Variants in PEAK1 observed in about 807,000 individuals in gnomAD.
PEAK1 encodes inactive tyrosine-protein kinase PEAK1.
Under a neutral mutation model 124.7 loss-of-function variants are expected in PEAK1, and 54 were observed. That is an observed-to-expected ratio of 0.43 (90% CI 0.35 to 0.54). PEAK1 has a LOEUF of 0.54. PEAK1 is among the 20% of genes least tolerant of loss of function. PEAK1 has a pLI of 0.01. For synonymous variants in PEAK1, 719 were observed against 760.0 expected (o/e 0.95, Z 0.89); for missense variants, 2,046 against 2,134.5 (o/e 0.96, Z 0.82).
intron 1 of PEAK1, among the ~76,000 whole-genome samples, chr15:77,371,709 G>A (rs1317627985): frequency 2.0e-5 from 3 of 152,186 alleles, no homozygotes; most frequent in Admixed American, 6.5e-5. Context: ...CCAACATGGT[G>A]AAATGCCGTC....
intron 6 of PEAK1, among the ~76,000 whole-genome samples, chr15:77,233,117 T>A (rs940868145): frequency 1.3e-5 from 2 of 152,188 alleles, no homozygotes; most frequent in Non-Finnish European, 2.9e-5. Context: ...TGTGCCATAA[T>A]CCCATTCATC....
At chr15:77,194,987 T>G (rs975240422) in intron 6 of PEAK1, among the ~76,000 whole-genome samples, 3 of 152,226 alleles carry the variant, frequency 2.0e-5, no homozygotes, top group African/African-American at 7.2e-5. Context: ...CGGGGTTCTG[T>G]GTTTAAGAAG....
intron 5 of PEAK1, among the ~76,000 whole-genome samples, chr15:77,258,243 G>C (rs1330263648): frequency 6.6e-6 from 1 of 152,176 alleles, no homozygotes; most frequent in Non-Finnish European, 1.5e-5. Context: ...CTTTAAAGTA[G>C]TTTTTTCCAA....
intron 6 of PEAK1, among the ~76,000 whole-genome samples, chr15:77,240,807 T>C (rs1161474344): frequency 6.6e-6 from 1 of 152,140 alleles, no homozygotes; most frequent in African/African-American, 2.4e-5. Context: ...AGTCTGACAC[T>C]AATCCTCAAA....
chr15:77,419,443 AG>A, intron 1 of PEAK1: 1 of 985,378 alleles, frequency 1.0e-6, no homozygotes, highest in Non-Finnish European at 1.2e-6. Context: ...CGACCCCGCC[AG>A]CCCACACGTT....
At chr15:77,250,824 C>A (rs903977370) in intron 6 of PEAK1, among the ~76,000 whole-genome samples, 6 of 152,170 alleles carry the variant, frequency 3.9e-5, no homozygotes, top group Admixed American at 3.9e-4. Context: ...CTGCCTTGGC[C>A]TCCCAAAGTG....
chr15:77,389,296 A>T (rs2070249415), intron 1 of PEAK1, among the ~76,000 whole-genome samples: 1 of 152,072 alleles, frequency 6.6e-6, no homozygotes, highest in African/African-American at 2.4e-5. Context: ...TATAGGAAAA[A>T]TTTTGACCCT....
At chr15:77,116,151 A>G (rs1257762096) in intron 9 of PEAK1, among the ~76,000 whole-genome samples, 1 of 152,052 alleles carries the variant, frequency 6.6e-6, no homozygotes, top group African/African-American at 2.4e-5. Flanking sequence ...TTCTATTTCT[A>G]CTCTTAAGGG....
At chr15:77,215,837 T>C (rs777673766) in intron 6 of PEAK1, among the ~76,000 whole-genome samples, 9 of 152,190 alleles carry the variant, frequency 5.9e-5, no homozygotes, top group Non-Finnish European at 1.2e-4. Flanking sequence ...CAAACACATT[T>C]CCCTATGGTT....
At chr15:77,418,692 A>G (rs1187220568) in intron 1 of PEAK1, 1 of 985,360 alleles carries the variant, frequency 1.0e-6, no homozygotes, top group East Asian at 1.1e-4. Flanking sequence ...GAGAGAAGCC[A>G]TCATGAAGTG....
chr15:77,378,486 A>G (rs1437674991), intron 1 of PEAK1, among the ~76,000 whole-genome samples: 2 of 152,158 alleles, frequency 1.3e-5, no homozygotes, highest in African/African-American at 4.8e-5. Flanking sequence ...ATTACAAATT[A>G]TATTTAATTA....
chr15:77,408,401 AG>A (rs1318223123), intron 1 of PEAK1, among the ~76,000 whole-genome samples: 1 of 69,652 alleles, frequency 1.4e-5, no homozygotes, highest in African/African-American at 5.6e-5. Flanking sequence ...GAAGGGTGGG[AG>A]GGGGGTGAGG....
chr15:77,238,156 T>G (rs553428456), intron 6 of PEAK1, among the ~76,000 whole-genome samples: 95 of 152,310 alleles, frequency 6.2e-4, no homozygotes, highest in African/African-American at 2.2e-3. Flanking sequence ...ATGCTTATCA[T>G]GAGTACTGCA....
chr15:77,330,832 C>T (rs1381422898), intron 2 of PEAK1: 1 of 159,772 alleles, frequency 6.3e-6, no homozygotes, highest in African/African-American at 2.4e-5. Flanking sequence ...ATTATTTGTT[C>T]ACTGTTCTCT....
intron 2 of PEAK1, among the ~76,000 whole-genome samples, chr15:77,357,083 G>A (rs1054825953): frequency 1.3e-5 from 2 of 152,112 alleles, no homozygotes; most frequent in African/African-American, 2.4e-5. Flanking sequence ...CCTTGACAAC[G>A]TAAGAGGACC....
At chr15:77,368,087 C>G (rs996726047) in intron 1 of PEAK1, among the ~76,000 whole-genome samples, 1 of 152,066 alleles carries the variant, frequency 6.6e-6, no homozygotes, top group South Asian at 2.1e-4. Context: ...CTTAAATTTT[C>G]TACAGTGTTT....
At chr15:77,265,588 T>C in intron 5 of PEAK1, among the ~76,000 whole-genome samples, 1 of 152,056 alleles carries the variant, frequency 6.6e-6, no homozygotes, top group East Asian at 1.9e-4. Flanking sequence ...ATGGCGATCA[T>C]TAAAAAGTCA....
At chr15:77,281,637 G>A (rs1371073892) in intron 5 of PEAK1, among the ~76,000 whole-genome samples, 2 of 152,014 alleles carry the variant, frequency 1.3e-5, no homozygotes, top group Non-Finnish European at 2.9e-5. Flanking sequence ...AGACCCAAGA[G>A]CAAATTATTA....
chr15:77,183,818 A>T (rs1035339897), intron 6 of PEAK1, among the ~76,000 whole-genome samples: 2 of 152,114 alleles, frequency 1.3e-5, no homozygotes, highest in African/African-American at 4.8e-5. Flanking sequence ...ACTTAACCAA[A>T]TATATATGAT....
Sources: gnomAD v4.1 joint callset for allele counts (sites outside exome capture counted in the v4.1 genomes callset) on GRCh38, gnomAD v4.1.1 for gene constraint, MANE v1.5 for transcripts, NCBI Gene and HGNC (gene_info 2026-07-23, HGNC 2026-07-21) for gene names.